ASTN1: variants seen among roughly 807,000 people sequenced by gnomAD.
ASTN1 encodes the protein astrotactin-1.
Under a neutral mutation model 140.7 loss-of-function variants are expected in ASTN1, and 41 were observed. The observed-to-expected ratio is 0.29, with a 90% CI of 0.23 to 0.38. ASTN1 has a LOEUF of 0.38. ASTN1 is among the 10% of genes least tolerant of loss of function. ASTN1 has a pLI of 1.00. For synonymous variants in ASTN1, 640 were observed against 652.2 expected (o/e 0.98, Z 0.29); for missense variants, 1,479 against 1,678.8 (o/e 0.88, Z 2.08).
intron 8 of ASTN1, among the ~76,000 whole-genome samples, chr1:176,975,498 G>C (rs10913282): frequency 0.043 from 6,541 of 152,280 alleles, 466 homozygotes; most frequent in African/African-American, 0.15. Context: ...TGTTGGTTGG[G>C]CATCAGCTTA....
intron 1 of ASTN1, among the ~76,000 whole-genome samples, chr1:177,088,349 T>C (rs1291832519): frequency 6.6e-6 from 1 of 152,172 alleles, no homozygotes. Context: ...CCAAGCTCTC[T>C]TGGTGCTCTG....
intron 2 of ASTN1, among the ~76,000 whole-genome samples, chr1:177,045,558 G>T (rs976843903): frequency 3.3e-5 from 5 of 152,140 alleles, no homozygotes; most frequent in African/African-American, 1.2e-4. Flanking sequence ...ACAGTCAGGT[G>T]GTGGTTTCAT....
intron 16 of ASTN1, 135 bp downstream of exon 16, chr1:176,934,017 A>G (rs116389427): frequency 2.2e-6 from 2 of 926,676 alleles, no homozygotes; most frequent in Non-Finnish European, 3.0e-6. Flanking sequence ...GAAATGTTAC[A>G]GATGGGCACA....
intron 1 of ASTN1, among the ~76,000 whole-genome samples, chr1:177,062,544 C>CA (rs1453362572): frequency 7.8e-6 from 1 of 128,730 alleles, no homozygotes; most frequent in Non-Finnish European, 1.7e-5. Flanking sequence ...ATGGCCTGGC[C>CA]TTTTTTTTTT....
chr1:177,087,463 G>A (rs545335285), intron 1 of ASTN1, among the ~76,000 whole-genome samples: 7 of 152,270 alleles, frequency 4.6e-5, no homozygotes, highest in Admixed American at 1.3e-4. Context: ...GCCATATGCT[G>A]AATTCTGCCC....
chr1:177,081,421 A>C (rs887775294), intron 1 of ASTN1, among the ~76,000 whole-genome samples: 2 of 152,356 alleles, frequency 1.3e-5, no homozygotes, highest in Non-Finnish European at 2.9e-5. Flanking sequence ...TCAGTTGCCA[A>C]GAATACACAG....
chr1:177,068,671 C>T (rs1442199153), intron 1 of ASTN1, among the ~76,000 whole-genome samples: 1 of 152,156 alleles, frequency 6.6e-6, no homozygotes, highest in African/African-American at 2.4e-5. Context: ...TGACACAAAA[C>T]CAAACATGAC....
chr1:177,062,042 T>G (rs576242851), intron 1 of ASTN1, among the ~76,000 whole-genome samples: 183 of 152,150 alleles, frequency 1.2e-3, no homozygotes, highest in Non-Finnish European at 2.1e-3. Context: ...CCTAGCACTG[T>G]AGTTGGTGCT....
At chr1:177,138,826 G>A (rs1171215499) in intron 1 of ASTN1, among the ~76,000 whole-genome samples, 3 of 152,186 alleles carry the variant, frequency 2.0e-5, no homozygotes, top group Admixed American at 2.0e-4. Flanking sequence ...AACTGTGCCA[G>A]CTTCCCTAAA....
rs190195225 is a variant in ASTN1, at chr1:176,957,483, C to T, written c.1887+195G>A. Among the ~76,000 whole-genome samples, 3 of 152,178 alleles carry T rather than the reference C, an allele frequency of 2.0e-5. No homozygotes were observed. The East Asian group carries it at 5.8e-4, about 29-fold the overall frequency. Reference sequence around the variant, plus strand: ...GTTATAGTGCACATAGTAGGTACTCCATAACAACTTCTCGACTAACTGATT... The same window carrying T: ...GTTATAGTGCACATAGTAGGTACTCTATAACAACTTCTCGACTAACTGATT... On this transcript the variant is annotated intron_variant, in intron 11 of 22. Coordinates refer to ENST00000361833, the MANE Select transcript of ASTN1 (RefSeq NM_004319.3).
intron 17 of ASTN1, among the ~76,000 whole-genome samples, chr1:176,889,263 G>T (rs572073433): frequency 6.6e-6 from 1 of 152,216 alleles, no homozygotes; most frequent in African/African-American, 2.4e-5. Flanking sequence ...CAAGGGGAGG[G>T]AGAGGGTGGG....
At chr1:176,975,302 A>T (rs1295762742) in intron 8 of ASTN1, among the ~76,000 whole-genome samples, 1 of 152,240 alleles carries the variant, frequency 6.6e-6, no homozygotes, top group Non-Finnish European at 1.5e-5. Context: ...GGCAAGGGTG[A>T]ACAAGGGTTC....
intron 2 of ASTN1, among the ~76,000 whole-genome samples, chr1:177,034,997 A>G (rs769178070): frequency 2.7e-4 from 41 of 152,318 alleles, no homozygotes; most frequent in Middle Eastern, 3.4e-3. Flanking sequence ...TGATCACAAC[A>G]GGGTTATGAT....
chr1:177,058,431 C>T (rs998066222), intron 2 of ASTN1, among the ~76,000 whole-genome samples: 1 of 152,050 alleles, frequency 6.6e-6, no homozygotes, highest in Non-Finnish European at 1.5e-5. Flanking sequence ...TAATCTCTTC[C>T]ATTTTATTTG....
intron 2 of ASTN1, among the ~76,000 whole-genome samples, chr1:177,038,144 A>G (rs1676813766): frequency 1.3e-5 from 2 of 152,202 alleles, no homozygotes; most frequent in African/African-American, 2.4e-5. Context: ...CTGTATATTC[A>G]TCCTGGGTCC....
intron 12 of ASTN1, 41 bp downstream of exon 12, chr1:176,949,144 A>G (rs1225535290): frequency 6.2e-7 from 1 of 1,610,118 alleles, no homozygotes; most frequent in Non-Finnish European, 8.5e-7. Flanking sequence ...GCGTCCTGGG[A>G]CAGATGGACG....
Position 176,864,484 on chromosome 1 carries a change from T to G in ASTN1, c.3685A>C (p.Ser1229Arg), listed in dbSNP as rs1414640032. 1.2e-6 allele frequency: 2 copies of G among 1,614,130 alleles called. No homozygotes were observed. Among genetic ancestry groups the G allele is most frequent in the Non-Finnish European group, 8.5e-7 (1 of 1,180,006 alleles). Residue 1229 changes from serine to arginine, a missense_variant, in exon 23 of 23, where the codon AGC (serine) becomes CGC (arginine). This residue lies in a region of ASTN1 where 746 missense variants were observed against 800.9 expected (regional missense o/e 0.93). Transcript: ENST00000361833. ...GLILSQLGDL[S>R]SWCNGLLQEP... is the part of the protein sequence containing the mutation. ...TGAAGGAGTCCATTGCACCAACTGCTGAGGTCCCCAAGCTGGGAAAGGATG... is the reference window on the plus strand; with the variant it reads ...TGAAGGAGTCCATTGCACCAACTGCGGAGGTCCCCAAGCTGGGAAAGGATG...
chr1:176,972,279 A>T (rs1265239852), intron 8 of ASTN1, among the ~76,000 whole-genome samples: 1 of 152,120 alleles, frequency 6.6e-6, no homozygotes, highest in African/African-American at 2.4e-5. Flanking sequence ...GAGTTATTAC[A>T]TGTTGATCAG....
intron 8 of ASTN1, among the ~76,000 whole-genome samples, chr1:177,011,410 A>G (rs2101932976): frequency 6.6e-6 from 1 of 152,276 alleles, no homozygotes; most frequent in Middle Eastern, 3.4e-3. Flanking sequence ...CCAGAGCAGG[A>G]ACCCATCTTC....
Sources: gnomAD v4.1 joint callset for allele counts (sites outside exome capture counted in the v4.1 genomes callset) on GRCh38, gnomAD v4.1.1 for gene constraint, gnomAD v4.1.1 regional missense constraint, MANE v1.5 for transcripts, NCBI Gene and HGNC (gene_info 2026-07-23, HGNC 2026-07-21) for gene names.